The following SUPT3H variants were observed in gnomAD, a reference collection of about 807,000 sequenced individuals.
The protein encoded by SUPT3H is SPT3 homolog, SAGA and STAGA complex component, also known as transcription initiation protein SPT3 homolog.
In SUPT3H, 44 loss-of-function variants were observed where a neutral mutation model predicts 44.3. The observed-to-expected ratio is 0.99, with a 90% CI of 0.78 to 1.28. The LOEUF is 1.28. SUPT3H is among the 50% of genes most tolerant of loss of function. The pLI is 0.00. For missense variants in SUPT3H, 380 were observed against 387.1 expected (o/e 0.98, Z 0.15); for synonymous variants, 124 against 125.6 (o/e 0.99, Z 0.09).
intron 2 of SUPT3H, among the ~76,000 whole-genome samples, chr6:45,261,758 G>A (rs1584550640): frequency 6.6e-6 from 1 of 152,074 alleles, no homozygotes; most frequent in Non-Finnish European, 1.5e-5. Context: ...AGAAACAAAA[G>A]GCATTCAAAT....
intron 2 of SUPT3H, among the ~76,000 whole-genome samples, chr6:45,282,495 G>C (rs184276040): frequency 6.6e-6 from 1 of 152,240 alleles, no homozygotes. Context: ...AGTGATGGAA[G>C]ATCAAATGAA....
chr6:45,033,055 G>C (rs1372180646), intron 3 of SUPT3H, among the ~76,000 whole-genome samples: 3 of 151,982 alleles, frequency 2.0e-5, no homozygotes, highest in Admixed American at 2.0e-4. Context: ...ATATAGAGAA[G>C]ATTGTACTAA....
intron 9 of SUPT3H, among the ~76,000 whole-genome samples, chr6:44,952,378 A>T (rs935870463): frequency 6.6e-6 from 1 of 152,230 alleles, no homozygotes; most frequent in Non-Finnish European, 1.5e-5. Context: ...TGTGTGACCT[A>T]AAGAAGATTA....
intron 10 of SUPT3H, among the ~76,000 whole-genome samples, chr6:44,868,290 A>T (rs1229313650): frequency 6.6e-6 from 1 of 152,204 alleles, no homozygotes; most frequent in Non-Finnish European, 1.5e-5. Flanking sequence ...TATTTGGACC[A>T]TGCTGGAAGC....
At chr6:45,323,211 T>G (rs923335995) in intron 2 of SUPT3H, among the ~76,000 whole-genome samples, 1 of 152,142 alleles carries the variant, frequency 6.6e-6, no homozygotes, top group African/African-American at 2.4e-5. Context: ...ATTCAAAAAC[T>G]CTATTATGTT....
chr6:44,874,960 C>T (rs1327086483), intron 10 of SUPT3H, among the ~76,000 whole-genome samples: 4 of 120,764 alleles, frequency 3.3e-5, no homozygotes, highest in African/African-American at 1.3e-4. Context: ...TGAAGGACCT[C>T]TTCAAGGAGA....
intron 2 of SUPT3H, among the ~76,000 whole-genome samples, chr6:45,297,261 G>C (rs909228834): frequency 1.3e-5 from 2 of 152,168 alleles, no homozygotes; most frequent in Middle Eastern, 3.4e-3. Flanking sequence ...TTTTGTCTTA[G>C]GTGCAGATTT....
intron 6 of SUPT3H, among the ~76,000 whole-genome samples, chr6:44,980,810 G>A (rs1778989735): frequency 1.3e-5 from 2 of 152,106 alleles, no homozygotes; most frequent in African/African-American, 4.8e-5. Flanking sequence ...AATTTATGTA[G>A]CTTTAAACTT....
chr6:45,240,790 A>T (rs1770152384), intron 2 of SUPT3H, among the ~76,000 whole-genome samples: 1 of 152,220 alleles, frequency 6.6e-6, no homozygotes, highest in Admixed American at 6.5e-5. Flanking sequence ...GTATAGAGGC[A>T]CCTCAACCTC....
At chr6:45,254,699 G>A (rs951218296) in intron 2 of SUPT3H, among the ~76,000 whole-genome samples, 2 of 152,058 alleles carry the variant, frequency 1.3e-5, no homozygotes, top group African/African-American at 2.4e-5. Flanking sequence ...GCGGACCAAG[G>A]CCTTTCCAAC....
At chr6:45,061,042 T>A (rs1791922600) in intron 3 of SUPT3H, among the ~76,000 whole-genome samples, 1 of 152,132 alleles carries the variant, frequency 6.6e-6, no homozygotes. Flanking sequence ...GCATGGCAAT[T>A]CCTCAAAGAT....
intron 3 of SUPT3H, among the ~76,000 whole-genome samples, chr6:45,072,120 C>G (rs942509803): frequency 1.3e-5 from 2 of 151,980 alleles, no homozygotes; most frequent in Non-Finnish European, 2.9e-5. Flanking sequence ...TAATATTATC[C>G]CCACTTTACA....
chr6:44,826,736 G>C lies in SUPT3H; in HGVS notation c.*3080C>G, dbSNP rs916651889. Among the ~76,000 whole-genome samples the C allele has an allele frequency of 6.6e-6, 1 of 152,082 alleles. No individual in the cohort carries two copies. The highest frequency in any genetic ancestry group is 6.6e-5 in the Admixed American group (1 of 15,266). ...AAACAAGTAAACATGTTTTCTTTCA[G>C]ACCAAGAATCACCAGTTATGTTTAT... On this transcript the variant is annotated 3_prime_UTR_variant, in exon 11 of 11. Coordinates refer to ENST00000371459, the MANE Select transcript of SUPT3H (RefSeq NM_003599.4).
At chr6:45,200,688 A>G (rs553331684) in intron 2 of SUPT3H, among the ~76,000 whole-genome samples, 1 of 151,512 alleles carries the variant, frequency 6.6e-6, no homozygotes, top group African/African-American at 2.4e-5. Context: ...CACAGTTATT[A>G]AGTGACAGTT....
chr6:45,243,838 A>C (rs1446574832), intron 2 of SUPT3H, among the ~76,000 whole-genome samples: 2 of 152,194 alleles, frequency 1.3e-5, no homozygotes, highest in Non-Finnish European at 2.9e-5. Context: ...CCTGTATCAG[A>C]TTACAATATA....
At chr6:44,998,140 T>C (rs1434229900) in intron 6 of SUPT3H, among the ~76,000 whole-genome samples, 2 of 151,954 alleles carry the variant, frequency 1.3e-5, no homozygotes, top group African/African-American at 4.8e-5. Flanking sequence ...TAAAATTTAA[T>C]GACAAGTTCT....
At chr6:45,128,587 CACATAT>C (rs1562514733) in intron 2 of SUPT3H, among the ~76,000 whole-genome samples, 14 of 118,754 alleles carry the variant, frequency 1.2e-4, no homozygotes, top group African/African-American at 4.8e-4. Context: ...CACACACATA[CACATAT>C]ATATATATAC....
chr6:45,221,238 C>A (rs1037909155), intron 2 of SUPT3H, among the ~76,000 whole-genome samples: 2 of 151,924 alleles, frequency 1.3e-5, no homozygotes, highest in African/African-American at 2.4e-5. Context: ...TGGGGGCATG[C>A]GGGAGGGATA....
chr6:45,279,860 T>C (rs901808162), intron 2 of SUPT3H, among the ~76,000 whole-genome samples: 1 of 152,202 alleles, frequency 6.6e-6, no homozygotes, highest in African/African-American at 2.4e-5. Flanking sequence ...TAGTTGATAT[T>C]TCAACTTGGT....
Sources: gnomAD v4.1 joint callset for allele counts (sites outside exome capture counted in the v4.1 genomes callset) on GRCh38, gnomAD v4.1.1 for gene constraint, MANE v1.5 for transcripts, NCBI Gene and HGNC (gene_info 2026-07-23, HGNC 2026-07-21) for gene names.